ELAVL1: variants seen among roughly 807,000 people sequenced by gnomAD.
ELAVL1 encodes the protein ELAV-like protein 1.
A neutral mutation model predicts 28.4 loss-of-function variants in ELAVL1; 1 was observed. The ratio of observed to expected loss-of-function variants is 0.04; its 90% CI spans 0.01 to 0.17. ELAVL1 has a LOEUF of 0.17. ELAVL1 is among the 10% of genes least tolerant of loss of function. The pLI is 1.00. For synonymous variants in ELAVL1, 174 were observed against 183.5 expected (o/e 0.95, Z 0.42); for missense variants, 157 against 447.2 (o/e 0.35, Z 5.85).
chr19:8,002,425 G>A (rs529824272), intron 1 of ELAVL1, among the ~76,000 whole-genome samples: 168 of 152,284 alleles, frequency 1.1e-3, no homozygotes, highest in African/African-American at 4.0e-3. Context: ...CCTAGCGGGG[G>A]CCCAGGACAC....
At chr19:8,003,585 G>C (rs559264051) in intron 1 of ELAVL1, among the ~76,000 whole-genome samples, 1 of 151,206 alleles carries the variant, frequency 6.6e-6, no homozygotes, top group Admixed American at 6.6e-5. Flanking sequence ...CCAGCTACTC[G>C]GGAGGCTGAG....
chr19:7,991,493 G>C, intron 2 of ELAVL1, 151 bp downstream of exon 2: 1 of 761,764 alleles, frequency 1.3e-6, no homozygotes, highest in South Asian at 2.1e-5. Flanking sequence ...GCAATGGACA[G>C]AGTTTGAAAT....
intron 1 of ELAVL1, among the ~76,000 whole-genome samples, chr19:7,995,286 C>T (rs969942869): frequency 6.6e-6 from 1 of 152,142 alleles, no homozygotes; most frequent in Admixed American, 6.5e-5. Context: ...AAGCATTTCC[C>T]TTCTTTCTTT....
chr19:7,981,611 C>T lies in ELAVL1; in HGVS notation c.173-425G>A, dbSNP rs577603747. Among the ~76,000 whole-genome samples, 2 of 152,250 alleles carry T rather than the reference C, an allele frequency of 1.3e-5. No homozygotes were observed. The highest frequency in any genetic ancestry group is 1.9e-4 in the East Asian group (1 of 5,176). ...CTGGGCTCAAGCAATCCTCCCACCT[C>T]GGCCCCACCTCGACCTCCCAAAGTG... On this transcript the variant is annotated intron_variant, in intron 2 of 5. Transcript: ENST00000407627. This position sits in a 1 kb window ranked among gnomAD's most constrained non-coding sequence, Gnocchi z 4.2.
intron 5 of ELAVL1, among the ~76,000 whole-genome samples, chr19:7,964,525 T>C (rs1356172850): frequency 6.6e-6 from 1 of 152,064 alleles, no homozygotes; most frequent in Non-Finnish European, 1.5e-5. Flanking sequence ...AGTGATACTT[T>C]TATTTACATA....
chr19:8,001,634 A>ATT (rs1555713706), intron 1 of ELAVL1, among the ~76,000 whole-genome samples: 42 of 139,144 alleles, frequency 3.0e-4, no homozygotes, highest in East Asian at 1.2e-3. Flanking sequence ...CTTAAAAAAA[A>ATT]TTTTTTTTTT....
In ELAVL1 at chr19:7,984,494, A is replaced by G. The variant is rs763120683; in HGVS notation, c.173-3308T>C. On this transcript the variant is annotated intron_variant, in intron 2 of 5. Coordinates refer to ENST00000407627, the MANE Select transcript of ELAVL1 (RefSeq NM_001419.3). ...GTGGCCCGTGTGGCAAGGGCCTAGGAAGTGGCCACTGGCAGCAGGGCAGAG... is the reference window on the plus strand; with the variant it reads ...GTGGCCCGTGTGGCAAGGGCCTAGGGAGTGGCCACTGGCAGCAGGGCAGAG... Among the ~76,000 whole-genome samples, 9 of 152,316 alleles carry G rather than the reference A, an allele frequency of 5.9e-5. No homozygotes were observed. In the South Asian group the frequency reaches 6.2e-4, roughly 11 times the overall value.
chr19:7,999,242 G>A (rs1253509913), intron 1 of ELAVL1, among the ~76,000 whole-genome samples: 4 of 152,202 alleles, frequency 2.6e-5, no homozygotes, highest in African/African-American at 9.6e-5. Flanking sequence ...GCGTGATGGT[G>A]CATGCCTGTA....
intron 1 of ELAVL1, among the ~76,000 whole-genome samples, chr19:8,000,028 T>A (rs1001498134): frequency 6.6e-6 from 1 of 152,132 alleles, no homozygotes; most frequent in African/African-American, 2.4e-5. Context: ...CCACCCGCCT[T>A]GGCCTCCCAA....
chr19:7,995,009 T>A (rs1173093144), intron 1 of ELAVL1, among the ~76,000 whole-genome samples: 2 of 151,894 alleles, frequency 1.3e-5, no homozygotes, highest in African/African-American at 4.8e-5. Flanking sequence ...TTCATAAGAG[T>A]ATAAAACTGG....
At chr19:7,976,710 G>A (rs1985304213) in intron 3 of ELAVL1, among the ~76,000 whole-genome samples, 2 of 152,190 alleles carry the variant, frequency 1.3e-5, no homozygotes, top group Non-Finnish European at 2.9e-5. Context: ...GGCCTGTGGG[G>A]CTTTGTCATG....
intron 2 of ELAVL1, among the ~76,000 whole-genome samples, chr19:7,989,166 G>A (rs538792081): frequency 3.9e-5 from 6 of 152,298 alleles, no homozygotes; most frequent in African/African-American, 1.4e-4. Context: ...GGGGAGAGGG[G>A]TGGTGAGACC....
chr19:8,004,353 C>T (rs2081079633), intron 1 of ELAVL1, among the ~76,000 whole-genome samples: 1 of 152,174 alleles, frequency 6.6e-6, no homozygotes, highest in African/African-American at 2.4e-5. Context: ...TCTCCCAGGG[C>T]ATTAGAACTT....
chr19:7,980,836 A>T (rs1985441476), intron 3 of ELAVL1, among the ~76,000 whole-genome samples: 2 of 152,278 alleles, frequency 1.3e-5, no homozygotes, highest in South Asian at 4.1e-4. Flanking sequence ...ACAGAGAGCC[A>T]GGCAGGAGAG....
chr19:7,983,995 C>G, intron 2 of ELAVL1, among the ~76,000 whole-genome samples: 1 of 152,118 alleles, frequency 6.6e-6, no homozygotes, highest in East Asian at 1.9e-4. Context: ...CCTCCTCAGG[C>G]TCCTCACTCC....
rs563400250 is a variant in ELAVL1, at chr19:7,960,724, G to A, written c.*2759C>T. On this transcript the variant is annotated 3_prime_UTR_variant, in exon 6 of 6. Transcript: ENST00000407627. Reference sequence around the variant, plus strand: ...TATCTACTCTGAACGCTTTTTCATCGAAATTCCCAAATAAAAGCAGAGCAC... The same window carrying A: ...TATCTACTCTGAACGCTTTTTCATCAAAATTCCCAAATAAAAGCAGAGCAC... 3.3e-5 allele frequency: 5 copies of A among 152,608 alleles called. No homozygotes were observed. The South Asian group carries it at 8.3e-4, about 25-fold the overall frequency. 9.5% of individuals were successfully genotyped at this position (152,608 alleles called of 1,614,324 possible). A position where few individuals can be genotyped will look rare whatever the true frequency, so the allele number is the denominator to read the frequency against.
intron 1 of ELAVL1, among the ~76,000 whole-genome samples, chr19:7,997,577 A>C (rs1190320669): frequency 6.6e-6 from 1 of 152,176 alleles, no homozygotes; most frequent in Non-Finnish European, 1.5e-5. Context: ...GTGGTAATCA[A>C]ACAACTTTAT....
At chr19:7,967,839 C>T in intron 4 of ELAVL1, 49 bp from the exon 5 acceptor site, 1 of 1,582,968 alleles carries the variant, frequency 6.3e-7, no homozygotes, top group East Asian at 2.2e-5. Context: ...AACGCTAGGA[C>T]TTTCAAAACT....
At chr19:7,970,864 C>A (rs1349129040) in intron 4 of ELAVL1, among the ~76,000 whole-genome samples, 1 of 152,296 alleles carries the variant, frequency 6.6e-6, no homozygotes, top group South Asian at 2.1e-4. Context: ...GCCCGGCCAT[C>A]CTCATCTATT....
Sources: allele counts gnomAD v4.1 joint callset (sites outside exome capture counted in the v4.1 genomes callset), GRCh38; gene constraint gnomAD v4.1.1; non-coding constraint Gnocchi (gnomAD v3.1); transcripts MANE v1.5; gene names NCBI Gene and HGNC (gene_info 2026-07-23, HGNC 2026-07-21).